Variants in HDX observed in about 807,000 individuals in gnomAD.
HDX encodes the protein highly divergent homeobox.
HDX carries 19 observed loss-of-function variants against 45.2 expected under a neutral mutation model. The ratio of observed to expected loss-of-function variants is 0.42; its 90% CI spans 0.29 to 0.62. The LOEUF (loss-of-function observed/expected upper bound fraction) is 0.62. HDX is among the 20% of genes least tolerant of loss of function. HDX has a pLI of 0.20. For missense variants in HDX, 532 were observed against 493.9 expected, an observed-to-expected ratio of 1.08 and a Z score of -0.73; for synonymous variants, 188 against 172.8, an observed-to-expected ratio of 1.09 and a Z score of -0.69.
chrX:84,396,769 A>C (rs1021410878), intron 5 of HDX, among the ~76,000 whole-genome samples: 1 of 111,105 alleles, frequency 9.0e-6, no homozygotes, highest in Non-Finnish European at 1.9e-5. Context: ...GCTCAACCTC[A>C]GTTCCCTGGG....
chrX:84,459,503 A>T (rs149601572), intron 4 of HDX, among the ~76,000 whole-genome samples: 1,487 of 111,396 alleles, frequency 0.013, 36 homozygotes, highest in African/African-American at 0.047. Flanking sequence ...AAACAAATGA[A>T]AATGATAAAA....
chrX:84,408,489 C>T (rs191719958), intron 5 of HDX, among the ~76,000 whole-genome samples: 186 of 93,847 alleles, frequency 2.0e-3, no homozygotes, highest in Admixed American at 5.8e-3. Context: ...AAAGTGATGC[C>T]TCCAGCTTTG....
At chrX:84,440,358 T>C in intron 5 of HDX, 174 bp downstream of exon 5, 2 of 413,744 alleles carry the variant, frequency 4.8e-6, no homozygotes, top group East Asian at 8.3e-5. Context: ...ATAATTAAGA[T>C]TACATTTGCA....
chrX:84,436,425 A>G (rs1378717153), intron 5 of HDX, among the ~76,000 whole-genome samples: 2 of 111,214 alleles, frequency 1.8e-5, no homozygotes, highest in Non-Finnish European at 1.9e-5. Context: ...TAACTTGATT[A>G]TTTGATTTTT....
At chrX:84,428,289 C>T (rs1021305768) in intron 5 of HDX, among the ~76,000 whole-genome samples, 1 of 110,614 alleles carries the variant, frequency 9.0e-6, no homozygotes, top group African/African-American at 3.3e-5. Flanking sequence ...TGACATATAA[C>T]ACAATTTTCC....
chrX:84,431,999 T>C (rs2039516498), intron 5 of HDX, among the ~76,000 whole-genome samples: 1 of 111,366 alleles, frequency 9.0e-6, no homozygotes, highest in South Asian at 3.7e-4. Flanking sequence ...CCATCTTGAG[T>C]CGATTTTTTT....
At position 84,378,758 on chromosome X, in the gene HDX, A is replaced by G. The variant is rs905452459; in HGVS notation, c.1306-17146T>C. Among the ~76,000 whole-genome samples, 3 of 111,467 alleles carry G rather than the reference A, an allele frequency of 2.7e-5. No individual in the cohort carries two copies. In the South Asian group the frequency reaches 1.1e-3, roughly 41 times the overall value. On this transcript the variant is annotated intron_variant, in intron 5 of 10. Coordinates refer to ENST00000373177, the MANE Select transcript of HDX (RefSeq NM_001177479.2). ...GAAGAAAGGAAGAGAAGACCACAAA[A>G]CAAACAGAAAACAAATAACAATGGC...
At chrX:84,441,911 A>G (rs1281040445) in intron 4 of HDX, among the ~76,000 whole-genome samples, 3 of 111,293 alleles carry the variant, frequency 2.7e-5, no homozygotes, top group Non-Finnish European at 5.7e-5. Flanking sequence ...ATCCTATTCA[A>G]CTGTATGGTA....
intron 4 of HDX, among the ~76,000 whole-genome samples, chrX:84,454,881 T>G (rs994124763): frequency 3.6e-5 from 4 of 110,641 alleles, no homozygotes; most frequent in African/African-American, 1.3e-4. Flanking sequence ...CAGAGAGACT[T>G]TGTTTGTTTG....
intron 5 of HDX, among the ~76,000 whole-genome samples, chrX:84,433,472 C>T (rs1272763406): frequency 2.7e-5 from 3 of 111,348 alleles, no homozygotes; most frequent in African/African-American, 9.8e-5. Context: ...CTCTTGGCAC[C>T]TTTGTCAAAA....
intron 5 of HDX, among the ~76,000 whole-genome samples, chrX:84,384,237 C>T (rs1182968993): frequency 9.0e-6 from 1 of 111,068 alleles, no homozygotes; most frequent in Non-Finnish European, 1.9e-5. Flanking sequence ...TAATAACAGC[C>T]GTTCTGAGCT....
chrX:84,322,930 A>G (rs2036627002), intron 10 of HDX, among the ~76,000 whole-genome samples: 1 of 111,030 alleles, frequency 9.0e-6, no homozygotes, highest in African/African-American at 3.3e-5. Flanking sequence ...AGTGGTAAAT[A>G]AAGACCAAGG....
At position 84,383,235 on chromosome X, in the gene HDX, A is replaced by C. The variant is rs780583354; in HGVS notation, c.1306-21623T>G. Among the ~76,000 whole-genome samples the C allele has an allele frequency of 3.6e-5, 4 of 111,253 alleles. No homozygotes were observed. The East Asian group carries it at 1.1e-3, about 31-fold the overall frequency. ...TTTAGAATCAACAAGAATATTTAAGAATGATTACTCTCTCTCACCCAAAGA... is the reference window on the plus strand; with the variant it reads ...TTTAGAATCAACAAGAATATTTAAGCATGATTACTCTCTCTCACCCAAAGA... On this transcript the variant is annotated intron_variant, in intron 5 of 10. Transcript: ENST00000373177.
chrX:84,464,641 G>A (rs2040307392), intron 4 of HDX, among the ~76,000 whole-genome samples: 1 of 111,515 alleles, frequency 9.0e-6, no homozygotes, highest in Non-Finnish European at 1.9e-5. Context: ...AATTGAAACT[G>A]AACCCCTTCC....
At chrX:84,459,335 G>C (rs1399289677) in intron 4 of HDX, among the ~76,000 whole-genome samples, 1 of 109,917 alleles carries the variant, frequency 9.1e-6, no homozygotes, top group Non-Finnish European at 1.9e-5. Context: ...CCAGCTGCTC[G>C]GGAGGCTGAG....
chrX:84,327,424 T>A (rs1226945281), intron 9 of HDX, among the ~76,000 whole-genome samples: 1 of 112,011 alleles, frequency 8.9e-6, no homozygotes, highest in Non-Finnish European at 1.9e-5. Context: ...AGGATGGTAT[T>A]GCATAAGGAT....
At chrX:84,440,439 C>A (rs2039735436) in intron 5 of HDX, 93 bp downstream of exon 5, 4 of 612,072 alleles carry the variant, frequency 6.5e-6, no homozygotes, top group Non-Finnish European at 1.1e-5. Flanking sequence ...TTCAGTTTTG[C>A]CAGCTTTACA....
rs748478525 is a variant in HDX, at chrX:84,349,706, A to G, written c.1453-5249T>C. On this transcript the variant is annotated intron_variant, in intron 6 of 10. Coordinates refer to ENST00000373177, the MANE Select transcript of HDX (RefSeq NM_001177479.2). ...TGTGTGTGTGTGTGTGTGTGTGTGCACACACACCATAGAATACTACTCAGT... is the reference window on the plus strand; with the variant it reads ...TGTGTGTGTGTGTGTGTGTGTGTGCGCACACACCATAGAATACTACTCAGT... Among the ~76,000 whole-genome samples the G allele has an allele frequency of 2.5e-3, 260 of 103,398 alleles. 3 individuals are homozygous for G. The highest frequency in any genetic ancestry group is 8.8e-3 in the African/African-American group (248 of 28,236). 89.8% of individuals were successfully genotyped at this position (103,398 alleles called of 115,157 possible).
In HDX at chrX:84,356,668, G is replaced by C. The variant is rs1383182396; in HGVS notation, c.1452+4798C>G. 1.1e-4 allele frequency among the ~76,000 whole-genome samples: 10 copies of C among 89,008 alleles called. No individual in the cohort carries two copies. In the Admixed American group the frequency reaches 1.5e-3, roughly 13 times the overall value. 77.3% of individuals were successfully genotyped at this position (89,008 alleles called of 115,157 possible). A position where few individuals can be genotyped will look rare whatever the true frequency, so the allele number is the denominator to read the frequency against. On this transcript the variant is annotated intron_variant, in intron 6 of 10. Transcript: ENST00000373177. The stretch of plus-strand genomic sequence containing the variant: ...GATGGAGTCTTGCTCTGTCGCCCAG[G>C]CTGGAGTGCAGTGGCGCGATCTCGC...
Sources: allele counts gnomAD v4.1 joint callset (sites outside exome capture counted in the v4.1 genomes callset), GRCh38; gene constraint gnomAD v4.1.1; transcripts MANE v1.5; gene names NCBI Gene and HGNC (gene_info 2026-07-23, HGNC 2026-07-21).